SNX9: variants seen among roughly 807,000 people sequenced by gnomAD.
SNX9 encodes the protein sorting nexin 9.
SNX9 carries 44 observed loss-of-function variants against 89.4 expected under a neutral mutation model. The ratio of observed to expected loss-of-function variants is 0.49; its 90% CI spans 0.39 to 0.63. SNX9 has a LOEUF of 0.63. Among genes scored for constraint, SNX9 ranks in the 30% least tolerant of loss-of-function variants. The pLI, the probability that SNX9 is intolerant of heterozygous loss-of-function variation, is 0.00. For missense variants in SNX9, 578 were observed against 736.1 expected (o/e 0.79, Z 2.49); for synonymous variants, 236 against 247.8 (o/e 0.95, Z 0.45).
At chr6:157,845,627 C>G (rs1393193347) in intron 1 of SNX9, among the ~76,000 whole-genome samples, 3 of 152,136 alleles carry the variant, frequency 2.0e-5, no homozygotes, top group Non-Finnish European at 4.4e-5. Flanking sequence ...CCTGTGTATA[C>G]TAGAGAGTAT....
At chr6:157,874,963 C>A in intron 3 of SNX9, 88 bp from the exon 4 acceptor site, 16 of 1,439,438 alleles carry the variant, frequency 1.1e-5, no homozygotes, top group South Asian at 6.0e-5. Flanking sequence ...AGAATATAAA[C>A]CCTTTTTGAC....
At chr6:157,834,923 C>T (rs988335984) in intron 1 of SNX9, among the ~76,000 whole-genome samples, 9 of 152,156 alleles carry the variant, frequency 5.9e-5, no homozygotes, top group African/African-American at 2.2e-4. Flanking sequence ...GAAATCAATA[C>T]CCGTTAGGTT....
chr6:157,862,925 C>T (rs1782174114), intron 1 of SNX9, among the ~76,000 whole-genome samples: 1 of 152,152 alleles, frequency 6.6e-6, no homozygotes, highest in African/African-American at 2.4e-5. Context: ...TTAATAAGCT[C>T]ATGAGGAGAT....
chr6:157,923,890 C>T (rs1256946983), intron 10 of SNX9, among the ~76,000 whole-genome samples: 1 of 152,198 alleles, frequency 6.6e-6, no homozygotes, highest in African/African-American at 2.4e-5. Flanking sequence ...TGCTCGCTAC[C>T]TCACTACAAT....
At chr6:157,866,541 T>A (rs969511741) in intron 1 of SNX9, among the ~76,000 whole-genome samples, 14 of 152,124 alleles carry the variant, frequency 9.2e-5, no homozygotes, top group African/African-American at 3.4e-4. Context: ...ACCACTGCAC[T>A]CCAGCCTGGG....
At chr6:157,837,755 GTC>G in intron 1 of SNX9, among the ~76,000 whole-genome samples, 1 of 152,336 alleles carries the variant, frequency 6.6e-6, no homozygotes, top group African/African-American at 2.4e-5. Flanking sequence ...CATATGACCT[GTC>G]TCTGCAGTCA....
rs775773253 is a variant in SNX9, at chr6:157,921,599, C to T, written c.1018C>T (p.Arg340Cys). 5 of 1,613,560 alleles carry T rather than the reference C, an allele frequency of 3.1e-6. No homozygotes were observed. Among genetic ancestry groups the T allele is most frequent in the African/African-American group, 2.7e-5 (2 of 74,830 alleles). The change falls in exon 10 of 18, where the codon CGC becomes TGC. Residue 340 changes from arginine (R) to cysteine (C), a missense_variant. Transcript: ENST00000392185. ...TCAGGCCTGGATGACCAGGATGTGTCGCCATCCAGTAATCTCAGAAAGTGA... is the reference window on the plus strand; with the variant it reads ...TCAGGCCTGGATGACCAGGATGTGTTGCCATCCAGTAATCTCAGAAAGTGA... ...RLQAWMTRMC[R>C]HPVISESEVF...
At chr6:157,868,832 G>T (rs972403990) in intron 2 of SNX9, among the ~76,000 whole-genome samples, 5 of 152,188 alleles carry the variant, frequency 3.3e-5, no homozygotes, top group African/African-American at 4.8e-5. Flanking sequence ...AGTAAAACTT[G>T]AACCCATCGT....
At chr6:157,900,769 A>G (rs2115168768) in intron 5 of SNX9, among the ~76,000 whole-genome samples, 2 of 152,376 alleles carry the variant, frequency 1.3e-5, no homozygotes, top group African/African-American at 4.8e-5. Context: ...GCCTTAAAAC[A>G]GAAACACAGT....
intron 9 of SNX9, among the ~76,000 whole-genome samples, chr6:157,915,623 T>TAAAAAAAAAAAAAAAAAA (rs1172699831): frequency 4.2e-5 from 3 of 71,300 alleles, no homozygotes; most frequent in African/African-American, 7.5e-5. Context: ...CCATCTCTAC[T>TAAAAAAAAAAAAAAAAAA]AAAAAAAAAA....
At chr6:157,939,523 C>A (rs1447792535) in intron 16 of SNX9, among the ~76,000 whole-genome samples, 3 of 152,140 alleles carry the variant, frequency 2.0e-5, no homozygotes, top group African/African-American at 7.2e-5. Context: ...AGAAGACCAT[C>A]TCACTGTTGT....
At chr6:157,897,658 C>T (rs1390045902) in intron 5 of SNX9, among the ~76,000 whole-genome samples, 1 of 152,010 alleles carries the variant, frequency 6.6e-6, no homozygotes, top group Non-Finnish European at 1.5e-5. Context: ...CAGGAGCCCA[C>T]CGCCCACCGC....
chr6:157,914,766 C>T (rs1783428223), intron 9 of SNX9, among the ~76,000 whole-genome samples: 1 of 152,136 alleles, frequency 6.6e-6, no homozygotes, highest in Non-Finnish European at 1.5e-5. Context: ...GCATGAGCTA[C>T]CACACTAGCC....
chr6:157,917,672 T>A (rs1362088712), intron 9 of SNX9, among the ~76,000 whole-genome samples: 3 of 152,182 alleles, frequency 2.0e-5, no homozygotes, highest in Admixed American at 1.3e-4. Flanking sequence ...GCATATAACC[T>A]ATGCACATTC....
intron 1 of SNX9, among the ~76,000 whole-genome samples, chr6:157,826,927 G>T (rs1562586094): frequency 4.5e-5 from 4 of 88,048 alleles, no homozygotes; most frequent in African/African-American, 1.2e-4. Flanking sequence ...ATATATTATA[G>T]TTTATATAAT....
At chr6:157,883,542 A>T (rs1414104846) in intron 4 of SNX9, among the ~76,000 whole-genome samples, 1 of 152,194 alleles carries the variant, frequency 6.6e-6, no homozygotes, top group African/African-American at 2.4e-5. Context: ...ATTCATCTGA[A>T]TTTGAGGTTG....
chr6:157,867,551 G>A lies in SNX9; in HGVS notation c.17G>A (p.Arg6Gln), dbSNP rs1267083721. The A allele has an allele frequency of 6.2e-7, 1 of 1,609,546 alleles. No homozygotes were observed. Among genetic ancestry groups the A allele is most frequent in the Admixed American group, 1.7e-5 (1 of 59,954 alleles). MATKA[R>Q]VMYDFAAEPG... ...TTTCCTCTCCACTCCTGATAGGCTCGGGTTATGTATGATTTTGCTGCTGAA... is the reference window on the plus strand; with the variant it reads ...TTTCCTCTCCACTCCTGATAGGCTCAGGTTATGTATGATTTTGCTGCTGAA... Residue 6 changes from arginine (R) to glutamine (Q), a missense_variant, in exon 2 of 18, where the codon CGG becomes CAG. Around this residue, in one of 2 missense-constraint regions of SNX9, gnomAD observed 230 missense variants for 244.7 expected, o/e 0.94. Coordinates refer to ENST00000392185, the MANE Select transcript of SNX9 (RefSeq NM_016224.5).
chr6:157,866,174 G>A (rs1311254938), intron 1 of SNX9, among the ~76,000 whole-genome samples: 1 of 152,160 alleles, frequency 6.6e-6, no homozygotes, highest in Non-Finnish European at 1.5e-5. Context: ...GTGTTCCAAG[G>A]AGTCAGTGTT....
At chr6:157,845,595 T>G (rs1238819099) in intron 1 of SNX9, among the ~76,000 whole-genome samples, 1 of 152,242 alleles carries the variant, frequency 6.6e-6, no homozygotes, top group Non-Finnish European at 1.5e-5. Flanking sequence ...AGTATATGAT[T>G]CAGATGGTGG....
Sources: gnomAD v4.1 joint callset for allele counts (sites outside exome capture counted in the v4.1 genomes callset) on GRCh38, gnomAD v4.1.1 for gene constraint, gnomAD v4.1.1 regional missense constraint, MANE v1.5 for transcripts, NCBI Gene and HGNC (gene_info 2026-07-23, HGNC 2026-07-21) for gene names.